The following GNA12 variants were observed in gnomAD, a reference collection of about 807,000 sequenced individuals.
GNA12 encodes the protein G protein subunit alpha 12.
A neutral mutation model predicts 26.0 loss-of-function variants in GNA12; 9 were observed. The ratio of observed to expected loss-of-function variants is 0.35; its 90% CI spans 0.21 to 0.60. GNA12 has a LOEUF of 0.60. GNA12 is among the 20% of genes least tolerant of loss of function. GNA12 has a pLI of 0.78. For synonymous variants in GNA12, 264 were observed against 219.6 expected (o/e 1.20, Z -1.79); for missense variants, 405 against 525.8 (o/e 0.77, Z 2.25).
chr7:2,760,776 T>C (rs1327590857), intron 2 of GNA12, among the ~76,000 whole-genome samples: 1 of 152,220 alleles, frequency 6.6e-6, no homozygotes, highest in Non-Finnish European at 1.5e-5. Context: ...AGCGTCGAGC[T>C]CCCTACTGCT....
At chr7:2,746,814 C>G (rs1367283952) in intron 2 of GNA12, among the ~76,000 whole-genome samples, 1 of 152,064 alleles carries the variant, frequency 6.6e-6, no homozygotes, top group Non-Finnish European at 1.5e-5. Context: ...CAAATAGATG[C>G]AATAAAAAAT....
rs985967584 is a variant in GNA12, at chr7:2,843,160, T to C, written c.309+693A>G. On this transcript the variant is annotated intron_variant, in intron 1 of 3. Coordinates refer to ENST00000275364, the MANE Select transcript of GNA12 (RefSeq NM_007353.3). ...TGGCTGGTTCCCGTCCAGTCTCCAC[T>C]GCTCTTCTTCTAAGCTCAGCCGGAG... Among the ~76,000 whole-genome samples the C allele has an allele frequency of 2.6e-5, 4 of 151,850 alleles. No homozygotes were observed. In the East Asian group the frequency reaches 5.8e-4, roughly 22 times the overall value.
intron 2 of GNA12, among the ~76,000 whole-genome samples, chr7:2,761,639 G>A (rs1172769747): frequency 6.6e-6 from 1 of 152,104 alleles, no homozygotes; most frequent in Non-Finnish European, 1.5e-5. Context: ...CTCTCAGGAC[G>A]GAACCCAAAG....
At chr7:2,738,108 G>C (rs1238333551) in intron 2 of GNA12, among the ~76,000 whole-genome samples, 1 of 152,104 alleles carries the variant, frequency 6.6e-6, no homozygotes, top group Non-Finnish European at 1.5e-5. Context: ...ATTGTTTGTT[G>C]CTAATTTATC....
intron 2 of GNA12, among the ~76,000 whole-genome samples, chr7:2,761,735 A>C (rs761740648): frequency 2.6e-5 from 4 of 152,230 alleles, no homozygotes; most frequent in Non-Finnish European, 4.4e-5. Flanking sequence ...TGAAGAGTTG[A>C]CAAGATGGGC....
At chr7:2,766,184 A>C (rs1008278035) in intron 2 of GNA12, among the ~76,000 whole-genome samples, 1 of 152,030 alleles carries the variant, frequency 6.6e-6, no homozygotes, top group African/African-American at 2.4e-5. Context: ...GCATTTGACT[A>C]CTTCAGGTTA....
At chr7:2,797,324 C>T (rs984004310) in intron 1 of GNA12, among the ~76,000 whole-genome samples, 6 of 152,054 alleles carry the variant, frequency 3.9e-5, no homozygotes, top group East Asian at 1.9e-4. Flanking sequence ...TTAAGATTTT[C>T]GTAGAGTCAG....
chr7:2,746,942 A>T (rs561981034), intron 2 of GNA12, among the ~76,000 whole-genome samples: 39 of 152,372 alleles, frequency 2.6e-4, no homozygotes, highest in African/African-American at 9.4e-4. Context: ...ATTCCTCGAC[A>T]CATACATCCT....
intron 2 of GNA12, among the ~76,000 whole-genome samples, chr7:2,777,559 G>A (rs1792109538): frequency 6.6e-6 from 1 of 152,166 alleles, no homozygotes; most frequent in African/African-American, 2.4e-5. Flanking sequence ...GTGGGAGCAT[G>A]ACCTGATTAG....
intron 2 of GNA12, among the ~76,000 whole-genome samples, chr7:2,794,355 C>T (rs867972112): frequency 2.6e-5 from 4 of 151,982 alleles, no homozygotes; most frequent in East Asian, 1.9e-4. Context: ...ACTTTATATA[C>T]GGTTAATTTT....
rs1271114188 is a variant in GNA12 at position 2,729,409 on chromosome 7, G to A, written c.*1772C>T. The A allele has an allele frequency of 1.3e-5, 2 of 152,424 alleles. No individual in the cohort carries two copies. Among genetic ancestry groups the A allele is most frequent in the East Asian group, 1.9e-4 (1 of 5,334 alleles). 9.4% of individuals were successfully genotyped at this position (152,424 alleles called of 1,614,324 possible). A position where few individuals can be genotyped will look rare whatever the true frequency, so the allele number is the denominator to read the frequency against. On this transcript the variant is annotated 3_prime_UTR_variant, in exon 4 of 4. Coordinates refer to ENST00000275364, the MANE Select transcript of GNA12 (RefSeq NM_007353.3). ...TCCGTGAGGTCTGTGAAGAGCCACAGAAGCAGTACAAAAACAGCGACTTCT... is the reference window on the plus strand; with the variant it reads ...TCCGTGAGGTCTGTGAAGAGCCACAAAAGCAGTACAAAAACAGCGACTTCT...
rs1028026046 is a variant in GNA12, at chr7:2,760,912, G to A, written c.526-27411C>T. 1.9e-4 allele frequency among the ~76,000 whole-genome samples: 29 copies of A among 152,152 alleles called. 1 individual carries two copies. Among genetic ancestry groups the A allele is most frequent in the Non-Finnish European group, 7.4e-5 (5 of 68,016 alleles). On this transcript the variant is annotated intron_variant, in intron 2 of 3. Coordinates refer to ENST00000275364, the MANE Select transcript of GNA12 (RefSeq NM_007353.3). ...ATGTGGCTTCTTTGGTGGGGAGTGG[G>A]GGGTTCTGGCTGGCACCTTCCCCAC...
chr7:2,735,255 G>A (rs895864993), intron 2 of GNA12, among the ~76,000 whole-genome samples: 3 of 152,176 alleles, frequency 2.0e-5, no homozygotes, highest in Non-Finnish European at 2.9e-5. Context: ...CTGTGGCCAC[G>A]GGCTCCCCCA....
intron 2 of GNA12, among the ~76,000 whole-genome samples, chr7:2,737,269 G>GTTTTTTTTTTTTTTTTTTTTTTTTTTT (rs1317020597): frequency 5.2e-5 from 2 of 38,112 alleles, no homozygotes; most frequent in African/African-American, 9.4e-5. Flanking sequence ...TCACAGTTTT[G>GTTTTTTTTTTTTTTTTTTTTTTTTTTT]TTTTGTTTTT....
At chr7:2,755,869 G>T (rs1791269191) in intron 2 of GNA12, among the ~76,000 whole-genome samples, 1 of 152,194 alleles carries the variant, frequency 6.6e-6, no homozygotes, top group Admixed American at 6.5e-5. Context: ...TGAAATGGAA[G>T]ATTCAACATT....
chr7:2,751,871 A>G (rs1791057419), intron 2 of GNA12, among the ~76,000 whole-genome samples: 1 of 152,216 alleles, frequency 6.6e-6, no homozygotes, highest in Non-Finnish European at 1.5e-5. Flanking sequence ...AAACAACAAC[A>G]AAACTTCCCC....
chr7:2,751,051 T>C (rs798500), intron 2 of GNA12, among the ~76,000 whole-genome samples: 36,090 of 152,112 alleles, frequency 0.24, 5,049 homozygotes, highest in Non-Finnish European at 0.3. Flanking sequence ...TATCTTGAGA[T>C]GTTGCCACTA....
intron 1 of GNA12, among the ~76,000 whole-genome samples, chr7:2,838,583 C>T (rs966789563): frequency 2.0e-5 from 3 of 151,934 alleles, no homozygotes; most frequent in African/African-American, 7.3e-5. Flanking sequence ...GACCTTGTCT[C>T]TAAGATAGTA....
chr7:2,770,482 G>A (rs949764530), intron 2 of GNA12, among the ~76,000 whole-genome samples: 9 of 152,218 alleles, frequency 5.9e-5, no homozygotes, highest in Non-Finnish European at 1.2e-4. Context: ...TTAGCTAGGC[G>A]TGGTGGTGCA....
Sources: allele counts gnomAD v4.1 joint callset (sites outside exome capture counted in the v4.1 genomes callset), GRCh38; gene constraint gnomAD v4.1.1; transcripts MANE v1.5; gene names NCBI Gene and HGNC (gene_info 2026-07-23, HGNC 2026-07-21).